Variants in MBNL3 observed in about 807,000 individuals in gnomAD.
The protein encoded by MBNL3 is muscleblind like splicing regulator 3.
A neutral mutation model predicts 24.5 loss-of-function variants in MBNL3; 6 were observed. The ratio of observed to expected loss-of-function variants is 0.25; its 90% confidence interval spans 0.13 to 0.48. The LOEUF (loss-of-function observed/expected upper bound fraction) is 0.48, where lower values mean the gene tolerates loss of function less well. Ranked by LOEUF, MBNL3 falls within the 20% of genes least tolerant of loss-of-function variation. MBNL3 has a pLI of 0.99. For missense variants in MBNL3, 230 were observed against 293.5 expected (o/e 0.78, Z 1.58); for synonymous variants, 100 against 101.7 (o/e 0.98, Z 0.10).
chrX:132,441,846 G>A (rs1569452411), intron 1 of MBNL3, among the ~76,000 whole-genome samples: 1 of 111,945 alleles, frequency 8.9e-6, no homozygotes, highest in Non-Finnish European at 1.9e-5. Flanking sequence ...AATAACCTAA[G>A]TGTCCATTAC....
At chrX:132,380,967 G>T (rs1249840581) in intron 8 of MBNL3, among the ~76,000 whole-genome samples, 3 of 111,473 alleles carry the variant, frequency 2.7e-5, no homozygotes, top group African/African-American at 9.8e-5. Context: ...AGTGCTTACT[G>T]TGTTTAACAT....
intron 1 of MBNL3, among the ~76,000 whole-genome samples, chrX:132,443,119 T>G (rs969305156): frequency 1.8e-5 from 2 of 112,393 alleles, no homozygotes; most frequent in Non-Finnish European, 3.8e-5. Context: ...AAGTTACCAT[T>G]TCTTAGTGCA....
intron 3 of MBNL3, among the ~76,000 whole-genome samples, chrX:132,401,339 C>T (rs1940881375): frequency 9.0e-6 from 1 of 111,086 alleles, no homozygotes; most frequent in Non-Finnish European, 1.9e-5. Flanking sequence ...AAAAGTAGGC[C>T]AGGCATGCCA....
At chrX:132,392,994 A>AT (rs933031358) in intron 3 of MBNL3, among the ~76,000 whole-genome samples, 5 of 111,292 alleles carry the variant, frequency 4.5e-5, no homozygotes, top group Non-Finnish European at 1.9e-5. Context: ...TGTTTTTTAA[A>AT]TTTTTATGTG....
chrX:132,443,864 T>A (rs1173747506), intron 1 of MBNL3, among the ~76,000 whole-genome samples: 1 of 109,949 alleles, frequency 9.1e-6, no homozygotes, highest in East Asian at 2.9e-4. Context: ...AAACTACTGT[T>A]CTCATTTTAC....
chrX:132,384,753 A>T (rs1935689112), intron 6 of MBNL3, 55 bp from the exon 7 acceptor site: 1 of 943,740 alleles, frequency 1.1e-6, no homozygotes, highest in Non-Finnish European at 1.4e-6. Flanking sequence ...ATTATTAAGG[A>T]TTTACTGATA....
At chrX:132,427,943 A>G (rs929777022) in intron 2 of MBNL3, among the ~76,000 whole-genome samples, 4 of 111,446 alleles carry the variant, frequency 3.6e-5, no homozygotes, top group African/African-American at 1.3e-4. Flanking sequence ...ATTTTTGTAC[A>G]GTTTTCAACG....
intron 3 of MBNL3, among the ~76,000 whole-genome samples, chrX:132,399,764 C>A (rs1940529319): frequency 9.3e-6 from 1 of 107,698 alleles, no homozygotes; most frequent in African/African-American, 3.4e-5. Context: ...TATAAGGTCT[C>A]CTCTCATTGA....
intron 2 of MBNL3, among the ~76,000 whole-genome samples, chrX:132,408,958 G>A (rs1189806365): frequency 8.9e-6 from 1 of 112,192 alleles, no homozygotes; most frequent in African/African-American, 3.2e-5. Context: ...AGAGACTGCT[G>A]CTTATGTTCC....
intron 1 of MBNL3, among the ~76,000 whole-genome samples, chrX:132,458,004 T>A (rs990956014): frequency 5.4e-5 from 6 of 111,812 alleles, no homozygotes; most frequent in Non-Finnish European, 1.1e-4. Context: ...CAAGTCTAGC[T>A]CATTACCTTC....
intron 3 of MBNL3, among the ~76,000 whole-genome samples, chrX:132,396,091 C>G (rs1475728011): frequency 9.2e-6 from 1 of 108,637 alleles, no homozygotes; most frequent in Non-Finnish European, 1.9e-5. Context: ...AGTGTCCATC[C>G]ACAAATTTCA....
intron 1 of MBNL3, among the ~76,000 whole-genome samples, chrX:132,461,548 A>G: frequency 9.0e-6 from 1 of 111,505 alleles, no homozygotes; most frequent in East Asian, 2.8e-4. Context: ...ATGAGCTTAT[A>G]ATCTAGTTGG....
At chrX:132,481,113 T>C (rs1947708980) in intron 1 of MBNL3, among the ~76,000 whole-genome samples, 1 of 112,019 alleles carries the variant, frequency 8.9e-6, no homozygotes, top group African/African-American at 3.3e-5. Flanking sequence ...GTGGCCTCAC[T>C]AAGTTATGAG....
chrX:132,489,029 A>AT lies in MBNL3; in HGVS notation c.-883dup, dbSNP rs745921888. ...GCAGGGGTGCATACTGAATGCCGCCATTTTAAAGCGAGGTTCCTGAAATCA... is the reference window on the plus strand; with the variant it reads ...GCAGGGGTGCATACTGAATGCCGCCATTTTTAAAGCGAGGTTCCTGAAATCA... On this transcript the variant is annotated 5_prime_UTR_variant, in exon 1 of 9. It adds an upstream start codon to the 5' untranslated region. Coordinates refer to ENST00000370853, the MANE Select transcript of MBNL3 (RefSeq NM_001386889.1). The AT allele has an allele frequency of 4.4e-5, 5 of 113,425 alleles. No individual in the cohort carries two copies. The highest frequency in any genetic ancestry group is 3.7e-4 in the Admixed American group (4 of 10,866). The allele number at this position is 113,425 out of a possible 1,213,427, so 9.3% of individuals were successfully genotyped here. A position where few individuals can be genotyped will look rare whatever the true frequency, so the allele number is the denominator to read the frequency against.
intron 1 of MBNL3, among the ~76,000 whole-genome samples, chrX:132,463,249 G>T (rs565039396): frequency 8.9e-6 from 1 of 111,958 alleles, no homozygotes; most frequent in African/African-American, 3.2e-5. Flanking sequence ...ATCACCTGAG[G>T]TCAGGAGTTC....
intron 2 of MBNL3, chrX:132,430,164 C>G (rs1172749249): frequency 2.7e-5 from 3 of 110,027 alleles, no homozygotes; most frequent in Non-Finnish European, 3.8e-5. Flanking sequence ...GAAACAATAC[C>G]CCACAATATT....
intron 1 of MBNL3, among the ~76,000 whole-genome samples, chrX:132,440,744 A>C (rs770109482): frequency 6.1e-4 from 69 of 112,648 alleles, no homozygotes; most frequent in African/African-American, 2.2e-3. Context: ...AATAGATTAA[A>C]TATTATGCAG....
intron 2 of MBNL3, among the ~76,000 whole-genome samples, chrX:132,416,781 G>A (rs1943337724): frequency 9.0e-6 from 1 of 111,568 alleles, no homozygotes; most frequent in East Asian, 2.8e-4. Context: ...TAGAGTATCA[G>A]GCATATGCCC....
At chrX:132,396,552 A>ATT (rs1938715598) in intron 3 of MBNL3, among the ~76,000 whole-genome samples, 1 of 23,106 alleles carries the variant, frequency 4.3e-5, no homozygotes, top group Non-Finnish European at 1.1e-4. Flanking sequence ...ATTCCTATAT[A>ATT]TTCCTATATA....
Sources: allele counts gnomAD v4.1 joint callset (sites outside exome capture counted in the v4.1 genomes callset), GRCh38; gene constraint gnomAD v4.1.1; transcripts MANE v1.5; gene names NCBI Gene and HGNC (gene_info 2026-07-23, HGNC 2026-07-21).